The following ZC3H3 variants were observed in gnomAD, a reference collection of about 807,000 sequenced individuals.
ZC3H3 encodes zinc finger CCCH domain-containing protein 3.
Under a neutral mutation model 77.3 loss-of-function variants are expected in ZC3H3, and 36 were observed. That is an observed-to-expected ratio of 0.47 (90% CI 0.36 to 0.61). ZC3H3 has a LOEUF of 0.61. Ranked by LOEUF, ZC3H3 falls within the 20% of genes least tolerant of loss-of-function variation. The probability of loss-of-function intolerance (pLI) is 0.00; values close to 1 mark genes in which losing one functional copy is unlikely to be tolerated. For missense variants in ZC3H3, 1,331 were observed against 1,312.2 expected (o/e 1.01, Z -0.22); for synonymous variants, 626 against 555.2 (o/e 1.13, Z -1.79).
At chr8:143,539,378 TAC>T in intron 1 of ZC3H3, 58 bp from the exon 2 acceptor site, 1 of 1,476,870 alleles carries the variant, frequency 6.8e-7, no homozygotes, top group South Asian at 1.3e-5. Flanking sequence ...TAATCATGAC[TAC>T]CCTGGAAGGG....
chr8:143,505,964 C>G (rs1586934887), intron 4 of ZC3H3, among the ~76,000 whole-genome samples: 1 of 152,244 alleles, frequency 6.6e-6, no homozygotes, highest in East Asian at 1.9e-4. Flanking sequence ...TTTGGAAGGA[C>G]AGGGAACTTG....
intron 3 of ZC3H3, among the ~76,000 whole-genome samples, chr8:143,514,532 G>GCACA (rs532020916): frequency 5.3e-4 from 80 of 152,338 alleles, no homozygotes; most frequent in African/African-American, 1.9e-3. Context: ...CGGTGGGCAT[G>GCACA]CACACAGGCG....
intron 5 of ZC3H3, among the ~76,000 whole-genome samples, chr8:143,474,665 C>T (rs1267832847): frequency 6.6e-6 from 1 of 152,202 alleles, no homozygotes; most frequent in Non-Finnish European, 1.5e-5. Flanking sequence ...CCAGGCGGGT[C>T]GGGGAGCCAG....
rs1325425576 is a variant in ZC3H3, at chr8:143,451,961, C to T, written c.2308-10841G>A. ...GGTGCTGATGGAAGGGATCGGGGCA[C>T]GACTGGTGCTGGGTGCCCTTGGGCT... On this transcript the variant is annotated intron_variant, in intron 9 of 11. Transcript: ENST00000262577. Among the ~76,000 whole-genome samples, 8 of 152,310 alleles carry T rather than the reference C, an allele frequency of 5.3e-5. No homozygotes were observed. In the East Asian group the frequency reaches 5.8e-4, roughly 11 times the overall value.
intron 11 of ZC3H3, among the ~76,000 whole-genome samples, chr8:143,438,577 G>A (rs1324965848): frequency 6.6e-6 from 1 of 152,190 alleles, no homozygotes; most frequent in African/African-American, 2.4e-5. Context: ...AGGCCCCAGG[G>A]TGAGGCGGGC....
At chr8:143,471,140 C>T (rs1009160270) in intron 5 of ZC3H3, among the ~76,000 whole-genome samples, 3 of 152,244 alleles carry the variant, frequency 2.0e-5, no homozygotes, top group Admixed American at 6.5e-5. Flanking sequence ...CCACGATGAC[C>T]GGGGCACGCA....
chr8:143,495,746 A>C (rs1586923482), intron 4 of ZC3H3, among the ~76,000 whole-genome samples: 1 of 142,902 alleles, frequency 7.0e-6, no homozygotes, highest in Non-Finnish European at 1.5e-5. Flanking sequence ...ATGCCTGGCT[A>C]ATTTTTCTTT....
chr8:143,479,291 G>A (rs558545383), intron 4 of ZC3H3, among the ~76,000 whole-genome samples: 48 of 152,326 alleles, frequency 3.2e-4, no homozygotes, highest in African/African-American at 8.2e-4. Context: ...TTTCACGGCC[G>A]TGGGTGTCAC....
At chr8:143,454,981 T>C (rs900435477) in intron 9 of ZC3H3, among the ~76,000 whole-genome samples, 1 of 151,776 alleles carries the variant, frequency 6.6e-6, no homozygotes, top group African/African-American at 2.4e-5. Flanking sequence ...AGCTGTAAAA[T>C]GCTTCCTTTA....
chr8:143,509,112 A>G (rs955630451), intron 3 of ZC3H3, among the ~76,000 whole-genome samples: 1 of 151,988 alleles, frequency 6.6e-6, no homozygotes, highest in African/African-American at 2.4e-5. Context: ...TGCAGCCTCT[A>G]CTCAGGCACC....
chr8:143,518,806 A>G (rs1465434388), intron 3 of ZC3H3, among the ~76,000 whole-genome samples: 2 of 152,196 alleles, frequency 1.3e-5, no homozygotes, highest in African/African-American at 4.8e-5. Context: ...GGACCCTGAG[A>G]AGGCAGCAAA....
chr8:143,458,345 C>T (rs1303353022), intron 9 of ZC3H3, among the ~76,000 whole-genome samples: 3 of 152,390 alleles, frequency 2.0e-5, no homozygotes, highest in Admixed American at 1.3e-4. Flanking sequence ...AATCTCCCAA[C>T]AAAGAAAAGC....
At chr8:143,446,330 A>G (rs1280564412) in intron 9 of ZC3H3, among the ~76,000 whole-genome samples, 1 of 152,274 alleles carries the variant, frequency 6.6e-6, no homozygotes, top group Non-Finnish European at 1.5e-5. Flanking sequence ...GTTAAAATCA[A>G]GAACTTCTGA....
chr8:143,524,771 G>A (rs905966504), intron 3 of ZC3H3, among the ~76,000 whole-genome samples: 14 of 152,368 alleles, frequency 9.2e-5, no homozygotes, highest in African/African-American at 3.4e-4. Flanking sequence ...AAGAGGAATA[G>A]GGAGGGCAGC....
chr8:143,533,606 G>GC lies in ZC3H3; in HGVS notation c.1561+2650dup, dbSNP rs1822692002. Among the ~76,000 whole-genome samples the GC allele has an allele frequency of 6.6e-6, 1 of 151,918 alleles. No individual in the cohort carries two copies. Among genetic ancestry groups the GC allele is most frequent in the African/African-American group, 2.4e-5 (1 of 41,310 alleles). On this transcript the variant is annotated intron_variant, in intron 3 of 11. Coordinates refer to ENST00000262577, the MANE Select transcript of ZC3H3 (RefSeq NM_015117.3). The surrounding 1 kb of genome is among the most constrained non-coding windows in gnomAD (Gnocchi z 4.0). ...CGCTTGCCAGTTGGGCCAGTGGTGG[G>GC]CAAGTGAGTGGGACGCCTTCCCCAC...
In ZC3H3 at chr8:143,538,981, G is replaced by T. The variant is rs374282492; in HGVS notation, c.386C>A (p.Pro129Gln). The T allele has an allele frequency of 6.2e-7, 1 of 1,613,074 alleles. No individual in the cohort carries two copies. The highest frequency in any genetic ancestry group is 8.5e-7 in the Non-Finnish European group (1 of 1,180,034). ...ACTGGCAGAGCCAGACTTTGATGGC[G>T]GTTTAACTTTGATGACCACGTTCTG... is the stretch of plus-strand genomic sequence containing the variant. ...QGQNVVIKVK[P>Q]PSKSGSASAS... The change falls in exon 2 of 12, where the codon CCG (proline) becomes CAG (glutamine). Residue 129 changes from proline to glutamine, a missense_variant. Pro to Gln is a moderately conservative substitution (Grantham distance 76, BLOSUM62 -1). Around this residue, in one of 3 missense-constraint regions of ZC3H3, gnomAD observed 978 missense variants for 915.5 expected, o/e 1.07. Transcript: ENST00000262577.
At position 143,468,412 on chromosome 8, in the gene ZC3H3, TG is replaced by T. The variant is rs1820470968; in HGVS notation, c.2074del (p.His692ThrfsTer42). 1.2e-6 allele frequency: 2 copies of T among 1,612,292 alleles called. No individual in the cohort carries two copies. Among genetic ancestry groups the T allele is most frequent in the Non-Finnish European group, 1.7e-6 (2 of 1,179,682 alleles). On this transcript the variant is annotated frameshift_variant, in exon 7 of 12. Transcript: ENST00000262577. LOFTEE classifies it high-confidence loss of function. Reference sequence around the variant, plus strand: ...GCACACGGCCACCTTCTCGGGATCGTGGATGTAGGGGCAGCGCTCGCCACGG... The same window carrying T: ...GCACACGGCCACCTTCTCGGGATCGTGATGTAGGGGCAGCGCTCGCCACGG... ...CNRGERCPYI[H>X]DPEKVAVCTR...
chr8:143,483,865 G>A (rs1258617458), intron 4 of ZC3H3, among the ~76,000 whole-genome samples: 2 of 152,230 alleles, frequency 1.3e-5, no homozygotes, highest in African/African-American at 4.8e-5. Flanking sequence ...TTCAGCAGGG[G>A]CTCCGGCACC....
intron 9 of ZC3H3, among the ~76,000 whole-genome samples, chr8:143,443,284 C>CAAAAAA (rs34765299): frequency 1.6e-5 from 1 of 61,942 alleles, no homozygotes; most frequent in African/African-American, 5.9e-5. Context: ...GACCCTGTCT[C>CAAAAAA]AAAAAAAAAA....
Sources: allele counts gnomAD v4.1 joint callset (sites outside exome capture counted in the v4.1 genomes callset), GRCh38; gene constraint gnomAD v4.1.1; regional missense constraint gnomAD v4.1.1; non-coding constraint Gnocchi (gnomAD v3.1); transcripts MANE v1.5; gene names NCBI Gene and HGNC (gene_info 2026-07-23, HGNC 2026-07-21).